Variants in LARGE1 observed in about 807,000 individuals in gnomAD.
The protein encoded by LARGE1 is xylosyl- and glucuronyltransferase LARGE1.
Under a neutral mutation model 87.6 loss-of-function variants are expected in LARGE1, and 43 were observed. That is an observed-to-expected ratio of 0.49 (90% confidence interval 0.38 to 0.63). The LOEUF (loss-of-function observed/expected upper bound fraction) is 0.63. LARGE1 is among the 30% of genes least tolerant of loss of function. The probability of loss-of-function intolerance (pLI) is 0.00; values close to 1 mark genes in which losing one functional copy is unlikely to be tolerated. For missense variants in LARGE1, 802 were observed against 1,000.2 expected, an observed-to-expected ratio of 0.80 and a Z score of 2.67; for synonymous variants, 434 against 394.6, an observed-to-expected ratio of 1.10 and a Z score of -1.18.
chr22:33,125,920 G>A, the LARGE1 span, among the ~76,000 whole-genome samples: 3 of 152,098 alleles, frequency 2.0e-5, no homozygotes, highest in African/African-American at 7.2e-5. Flanking sequence ...GCAAATTTTT[G>A]TATTTTTAAT....
At chr22:33,882,436 C>A (rs904674250) in intron 1 of LARGE1, among the ~76,000 whole-genome samples, 1 of 152,044 alleles carries the variant, frequency 6.6e-6, no homozygotes, top group Non-Finnish European at 1.5e-5. Flanking sequence ...ACCAAGATGC[C>A]CCCCCACACC....
Position 33,617,482 on chromosome 22 carries a change from T to C in LARGE1, c.491+8762A>G, listed in dbSNP as rs2079613890. On this transcript the variant is annotated intron_variant, in intron 4 of 14. Coordinates refer to ENST00000397394, the MANE Select transcript of LARGE1 (RefSeq NM_133642.5). ...GCCAACTGCAGATAATAAAAACTCA[T>C]TCAGAGGAATAATTTTCTCAATATA... is the stretch of plus-strand genomic sequence containing the variant. Among the ~76,000 whole-genome samples, 3 of 152,200 alleles carry C rather than the reference T, an allele frequency of 2.0e-5. No homozygotes were observed. In the South Asian group the frequency reaches 6.2e-4, roughly 31 times the overall value.
intron 1 of LARGE1, among the ~76,000 whole-genome samples, chr22:33,884,729 T>C (rs948263653): frequency 6.6e-6 from 1 of 152,196 alleles, no homozygotes; most frequent in Non-Finnish European, 1.5e-5. Flanking sequence ...ACCCTCTTAG[T>C]GGCATGCGTG....
intron 6 of LARGE1, among the ~76,000 whole-genome samples, chr22:33,456,095 C>T (rs1475645761): frequency 6.6e-6 from 1 of 152,176 alleles, no homozygotes; most frequent in Admixed American, 6.5e-5. Context: ...TACAGGTAAA[C>T]GTTGGAAACA....
At chr22:33,464,628 G>C (rs1434062399) in intron 6 of LARGE1, among the ~76,000 whole-genome samples, 3 of 152,172 alleles carry the variant, frequency 2.0e-5, no homozygotes, top group Non-Finnish European at 4.4e-5. Context: ...CCTCATTAAT[G>C]ATGAAAAAAT....
At chr22:33,393,984 A>G (rs1215282837) in intron 7 of LARGE1, among the ~76,000 whole-genome samples, 2 of 152,298 alleles carry the variant, frequency 1.3e-5, no homozygotes, top group East Asian at 3.9e-4. Flanking sequence ...TCAGTAATCA[A>G]GATGGCAGGG....
chr22:33,291,783 G>A (rs1270685844), intron 12 of LARGE1, among the ~76,000 whole-genome samples: 1 of 151,920 alleles, frequency 6.6e-6, no homozygotes, highest in Non-Finnish European at 1.5e-5. Flanking sequence ...CCCCTCTGCA[G>A]GATGCAGTGT....
rs143563578 is a variant in LARGE1 at position 33,768,902 on chromosome 22, A to G, written c.-82-7344T>C. The stretch of plus-strand genomic sequence containing the variant: ...CCACTGAATCAGAACTGGCATTTTA[A>G]CAAGATCTCAGGTGATTCATATATA... On this transcript the variant is annotated intron_variant, in intron 1 of 14. Coordinates refer to ENST00000397394, the MANE Select transcript of LARGE1 (RefSeq NM_133642.5). Among the ~76,000 whole-genome samples the G allele has an allele frequency of 9.2e-5, 14 of 152,300 alleles. No homozygotes were observed. The East Asian group carries it at 2.1e-3, about 23-fold the overall frequency.
intron 11 of LARGE1, among the ~76,000 whole-genome samples, chr22:33,199,173 C>T (rs934552685): frequency 6.7e-6 from 1 of 148,824 alleles, no homozygotes; most frequent in African/African-American, 2.5e-5. Context: ...CTCTTTGTGT[C>T]CTTTGCTTAC....
chr22:33,833,204 T>C (rs2063022050), intron 1 of LARGE1, among the ~76,000 whole-genome samples: 1 of 152,246 alleles, frequency 6.6e-6, no homozygotes, highest in African/African-American at 2.4e-5. Flanking sequence ...TACTGAAACA[T>C]CTGAATGGCG....
At position 33,785,245 on chromosome 22, in the gene LARGE1, G is replaced by A. The variant is rs1014344596; in HGVS notation, c.-82-23687C>T. On this transcript the variant is annotated intron_variant, in intron 1 of 14. Transcript: ENST00000397394. ...CATATATGTGTATACATACATATGT[G>A]TATATATGCATGTGTATATGTGCAT... Among the ~76,000 whole-genome samples, 14 of 148,574 alleles carry A rather than the reference G, an allele frequency of 9.4e-5. No homozygotes were observed. The East Asian group carries it at 1.6e-3, about 17-fold the overall frequency.
intron 2 of LARGE1, among the ~76,000 whole-genome samples, chr22:33,708,417 G>A (rs5749648): frequency 0.43 from 65,721 of 151,786 alleles, 14,577 homozygotes; most frequent in Non-Finnish European, 0.47. Flanking sequence ...AGTGCCCCTC[G>A]CCATAACACA....
chr22:33,210,823 C>T (rs1924924908), intron 11 of LARGE1, among the ~76,000 whole-genome samples: 1 of 152,252 alleles, frequency 6.6e-6, no homozygotes, highest in Admixed American at 6.5e-5. Context: ...GGGCCTCACA[C>T]CACGGATGCC....
At chr22:33,295,548 G>T (rs926006367) in intron 12 of LARGE1, among the ~76,000 whole-genome samples, 1 of 152,192 alleles carries the variant, frequency 6.6e-6, no homozygotes, top group Non-Finnish European at 1.5e-5. Context: ...GTGACAATAC[G>T]TGGGCAGAGA....
intron 1 of LARGE1, among the ~76,000 whole-genome samples, chr22:33,860,829 G>C (rs1484727698): frequency 2.0e-5 from 3 of 152,204 alleles, no homozygotes; most frequent in African/African-American, 7.2e-5. Context: ...CTAGAATGGT[G>C]CATCTGCCTG....
chr22:33,375,659 G>T (rs1429479127), intron 9 of LARGE1, among the ~76,000 whole-genome samples: 1 of 152,204 alleles, frequency 6.6e-6, no homozygotes. Flanking sequence ...CCTGGCAGGT[G>T]CAGGAACATT....
chr22:33,911,656 C>A (rs1016069467), intron 1 of LARGE1, among the ~76,000 whole-genome samples: 2 of 152,190 alleles, frequency 1.3e-5, no homozygotes, highest in African/African-American at 4.8e-5. Context: ...TAAATGTGAA[C>A]AAGCTTTACA....
At chr22:33,305,685 G>C in intron 11 of LARGE1, 1 of 727,322 alleles carries the variant, frequency 1.4e-6, no homozygotes, top group Non-Finnish European at 1.7e-6. Context: ...ATGACTTCCA[G>C]AGTTTTCTCT....
chr22:33,365,616 CTT>C lies in LARGE1; in HGVS notation c.1131+16301_1131+16302del, dbSNP rs199897896. Among the ~76,000 whole-genome samples the C allele has an allele frequency of 2.0e-3, 284 of 139,160 alleles. 1 individual carries two copies. The highest frequency in any genetic ancestry group is 6.7e-3 in the African/African-American group (254 of 37,702). 91.3% of individuals were successfully genotyped at this position (139,160 alleles called of 152,430 possible). A position where few individuals can be genotyped will look rare whatever the true frequency, so the allele number is the denominator to read the frequency against. On this transcript the variant is annotated intron_variant, in intron 9 of 14. Coordinates refer to ENST00000397394, the MANE Select transcript of LARGE1 (RefSeq NM_133642.5). ...GTTGAAGTATCTTTTGCTTTTCTCT[CTT>C]TTTTTTTTTTTTTTGAGATGGAGTC...
Sources: allele counts gnomAD v4.1 joint callset (sites outside exome capture counted in the v4.1 genomes callset), GRCh38; gene constraint gnomAD v4.1.1; transcripts MANE v1.5; gene names NCBI Gene and HGNC (gene_info 2026-07-23, HGNC 2026-07-21).